CFAP54: variants seen among roughly 807,000 people sequenced by gnomAD.
The protein encoded by CFAP54 is cilia- and flagella-associated protein 54.
Under a neutral mutation model 370.4 loss-of-function variants are expected in CFAP54, and 290 were observed. The observed-to-expected ratio is 0.78, with a 90% CI of 0.71 to 0.86. The LOEUF is 0.86. Among genes scored for constraint, CFAP54 ranks in the 40% least tolerant of loss-of-function variants. The probability of loss-of-function intolerance (pLI) is 0.00; values close to 1 mark genes in which losing one functional copy is unlikely to be tolerated. For missense variants in CFAP54, 3,399 were observed against 3,528.7 expected (o/e 0.96, Z 0.93); for synonymous variants, 1,206 against 1,236.5 (o/e 0.98, Z 0.52).
At chr12:96,553,872 A>G (rs1955724220) in intron 15 of CFAP54, among the ~76,000 whole-genome samples, 1 of 152,108 alleles carries the variant, frequency 6.6e-6, no homozygotes, top group South Asian at 2.1e-4. Context: ...TTAAAAATGT[A>G]CCAGTACATT....
chr12:96,867,345 C>G (rs1209392419), intron 67 of CFAP54, among the ~76,000 whole-genome samples: 1 of 152,138 alleles, frequency 6.6e-6, no homozygotes, highest in Non-Finnish European at 1.5e-5. Context: ...AGCAGTGACA[C>G]TTAGGCAGTC....
chr12:96,863,153 T>TTGTA (rs1555194393), intron 67 of CFAP54, among the ~76,000 whole-genome samples: 1 of 148,134 alleles, frequency 6.8e-6, no homozygotes, highest in African/African-American at 2.5e-5. Context: ...TCTATATTTG[T>TTGTA]TGGATGGATG....
chr12:96,751,478 TATATA>T (rs919924361), intron 55 of CFAP54, among the ~76,000 whole-genome samples: 1 of 152,130 alleles, frequency 6.6e-6, no homozygotes, highest in African/African-American at 2.4e-5. Flanking sequence ...ATGGCACTAA[TATATA>T]ATATAAACTG....
Position 96,521,527 on chromosome 12 carries a change from T to C in CFAP54, c.943-330T>C, listed in dbSNP as rs920974168. ...ACGTGTGTGTGTGTGTGTGTGTGTG[T>C]GTGTGTGTGTGTGTGTGTGTGCGCG... On this transcript the variant is annotated intron_variant, in intron 6 of 67. Coordinates refer to ENST00000524981, the MANE Select transcript of CFAP54 (RefSeq NM_001306084.2). Among the ~76,000 whole-genome samples, 665 of 121,458 alleles carry C rather than the reference T, an allele frequency of 5.5e-3. 8 individuals are homozygous for C. Among genetic ancestry groups the C allele is most frequent in the African/African-American group, 0.022 (638 of 28,830 alleles). 79.7% of individuals were successfully genotyped at this position (121,458 alleles called of 152,430 possible).
intron 60 of CFAP54, among the ~76,000 whole-genome samples, chr12:96,777,897 A>G (rs577228295): frequency 6.6e-5 from 10 of 152,356 alleles, no homozygotes; most frequent in African/African-American, 2.2e-4. Flanking sequence ...ATAGGAAGAG[A>G]TCTTTGAATA....
intron 5 of CFAP54, among the ~76,000 whole-genome samples, chr12:96,518,157 G>A (rs1424734305): frequency 6.6e-6 from 1 of 152,114 alleles, no homozygotes; most frequent in East Asian, 1.9e-4. Flanking sequence ...GCCACTAGGT[G>A]GTAAAATTGG....
intron 26 of CFAP54, among the ~76,000 whole-genome samples, chr12:96,605,089 G>C (rs1197827515): frequency 6.6e-6 from 1 of 152,184 alleles, no homozygotes; most frequent in African/African-American, 2.4e-5. Flanking sequence ...GACTGGAGCT[G>C]TTCCGATTCA....
chr12:96,650,990 G>A (rs906497298), intron 35 of CFAP54, among the ~76,000 whole-genome samples: 2 of 152,080 alleles, frequency 1.3e-5, no homozygotes, highest in African/African-American at 2.4e-5. Context: ...TCACCTTGCT[G>A]TTCCCTGAGC....
chr12:96,512,840 T>C (rs945315490), intron 4 of CFAP54, 146 bp from the exon 5 acceptor site: 12 of 381,848 alleles, frequency 3.1e-5, no homozygotes, highest in Admixed American at 4.5e-5. Flanking sequence ...AGAAAAATTA[T>C]GATGAGTATA....
At chr12:96,617,635 C>A (rs777286730) in intron 26 of CFAP54, among the ~76,000 whole-genome samples, 156 of 152,334 alleles carry the variant, frequency 1.0e-3, no homozygotes, top group Admixed American at 3.7e-3. Context: ...CGATCACACA[C>A]ACATTAATTC....
At chr12:96,497,751 G>A (rs1268750576) in intron 1 of CFAP54, among the ~76,000 whole-genome samples, 5 of 152,180 alleles carry the variant, frequency 3.3e-5, no homozygotes, top group Non-Finnish European at 5.9e-5. Flanking sequence ...TGAAAACGTT[G>A]AGGATAGTTT....
intron 4 of CFAP54, among the ~76,000 whole-genome samples, chr12:96,512,331 A>ATATATATG (rs1955180690): frequency 2.7e-5 from 1 of 36,772 alleles, no homozygotes; most frequent in Non-Finnish European, 6.4e-5. Context: ...ATATATATAT[A>ATATATATG]TATATATATA....
chr12:96,684,531 T>A (rs1258637647), intron 40 of CFAP54, 117 bp from the exon 41 acceptor site: 1 of 744,628 alleles, frequency 1.3e-6, no homozygotes, highest in African/African-American at 1.8e-5. Flanking sequence ...TAACTTGCAG[T>A]TTGCTTATTG....
At chr12:96,764,671 T>C (rs1429563866) in intron 59 of CFAP54, among the ~76,000 whole-genome samples, 1 of 152,164 alleles carries the variant, frequency 6.6e-6, no homozygotes, top group Non-Finnish European at 1.5e-5. Flanking sequence ...GTGCCAATTA[T>C]GTTTCTTTGG....
rs4762319 is a variant in CFAP54, at chr12:96,691,329, A to C, written c.6264+19A>C. On this transcript the variant is annotated intron_variant, in intron 44 of 67. Transcript: ENST00000524981. ...CCTAATAGTAAGTAATTTGTAAAAT[A>C]AAAATTATATATCACTGGGATATTT... The C allele has an allele frequency of 0.83, 1,277,171 of 1,536,738 alleles. 532,739 individuals are homozygous for C. Among genetic ancestry groups the C allele is most frequent in the African/African-American group, 0.96 (68,683 of 71,532 alleles).
At chr12:96,828,094 G>T (rs1959148700) in intron 65 of CFAP54, among the ~76,000 whole-genome samples, 1 of 133,944 alleles carries the variant, frequency 7.5e-6, no homozygotes, top group African/African-American at 2.8e-5. Context: ...TATATTATCA[G>T]AAAAGCAAAT....
chr12:96,747,674 C>G (rs1050879714), intron 55 of CFAP54, among the ~76,000 whole-genome samples: 1 of 152,182 alleles, frequency 6.6e-6, no homozygotes, highest in Non-Finnish European at 1.5e-5. Context: ...TCTAGAGGAT[C>G]CAGGCCTGAA....
intron 26 of CFAP54, among the ~76,000 whole-genome samples, chr12:96,604,523 G>A (rs1414920482): frequency 1.3e-5 from 2 of 152,260 alleles, no homozygotes; most frequent in African/African-American, 4.8e-5. Flanking sequence ...GTCTGCCAAA[G>A]CTGTCTGCTG....
rs1227597864 is a variant in CFAP54 at position 96,647,857 on chromosome 12, AT to A, written c.4548-13del. On this transcript the variant is annotated splice_polypyrimidine_tract_variant and intron_variant, in intron 33 of 67. Transcript: ENST00000524981. ...TTTGCTTATATTGTTTTTTAATATG[AT>A]TTTTCCCCCCTTGCAGTTTCCGATC... 2.9e-5 allele frequency: 43 copies of A among 1,483,818 alleles called. No individual in the cohort carries two copies. The highest frequency in any genetic ancestry group is 7.2e-5 in the African/African-American group (5 of 69,644). 91.9% of individuals were successfully genotyped at this position (1,483,818 alleles called of 1,614,324 possible). A position where few individuals can be genotyped will look rare whatever the true frequency, so the allele number is the denominator to read the frequency against.
Sources: allele counts gnomAD v4.1 joint callset (sites outside exome capture counted in the v4.1 genomes callset), GRCh38; gene constraint gnomAD v4.1.1; transcripts MANE v1.5; gene names NCBI Gene and HGNC (gene_info 2026-07-23, HGNC 2026-07-21).